Variants in POU4F1 observed in about 807,000 individuals in gnomAD.
POU4F1 encodes the protein POU domain, class 4, transcription factor 1.
POU4F1 carries 5 observed loss-of-function variants against 19.8 expected under a neutral mutation model. The observed-to-expected ratio is 0.25, with a 90% CI of 0.13 to 0.53. POU4F1 has a LOEUF of 0.53. Ranked by LOEUF, POU4F1 falls within the 20% of genes least tolerant of loss-of-function variation. The pLI is 0.96. For synonymous variants in POU4F1, 266 were observed against 247.7 expected (o/e 1.07, Z -0.69); for missense variants, 408 against 511.6 (o/e 0.80, Z 1.95).
Position 78,601,894 on chromosome 13 carries a change from A to T in POU4F1, c.781T>A (p.Ser261Thr). The T allele has an allele frequency of 6.5e-7, 1 of 1,540,742 alleles. No individual in the cohort carries two copies. The highest frequency in any genetic ancestry group is 8.7e-7 in the Non-Finnish European group (1 of 1,151,900). The change falls in exon 2 of 2, where the codon TCG becomes ACG. Residue 261 changes from serine to threonine, a missense_variant. This residue lies in a region of POU4F1 where 294 missense variants were observed against 288.2 expected (regional missense o/e 1.02). Coordinates refer to ENST00000377208, the MANE Select transcript of POU4F1 (RefSeq NM_006237.4). ...TCGAGCTCGCGCGGGTCCGTGTCCG[A>T]GTCGCAGATGGACGCCAGGCCCGCT... ...GAAGLASICD[S>T]DTDPRELEAF...
In POU4F1 at chr13:78,603,488, G is replaced by T. The variant is rs1014837887; in HGVS notation, c.-162C>A. 9.4e-6 allele frequency: 11 copies of T among 1,172,106 alleles called. No homozygotes were observed. The highest frequency in any genetic ancestry group is 1.6e-5 in the African/African-American group (1 of 61,100). The allele number at this position is 1,172,106 out of a possible 1,614,324, so 72.6% of individuals were successfully genotyped here. A position where few individuals can be genotyped will look rare whatever the true frequency, so the allele number is the denominator to read the frequency against. ...CTGCTGCTGCTCCTGCTGCTGCCAGGCGCTCCCTCTGACCGCGCAGAGCGC... is the reference window on the plus strand; with the variant it reads ...CTGCTGCTGCTCCTGCTGCTGCCAGTCGCTCCCTCTGACCGCGCAGAGCGC... On this transcript the variant is annotated 5_prime_UTR_variant, in exon 1 of 2. Transcript: ENST00000377208.
Position 78,602,220 on chromosome 13 carries a change from C to T in POU4F1, c.455G>A (p.Gly152Asp). ...GCCCGGGCCGCCGCCGCCGCCCGGG[C>T]CGCCACCGCCCCCCGGGCCGTCGTG... ...GAHDGPGGGG[G>D]PGGGGGPGGG... Residue 152 changes from glycine to aspartate, a missense_variant, in exon 2 of 2, where the codon GGC (glycine) becomes GAC (aspartate). By Grantham distance (94) the Gly-to-Asp change is moderately conservative. Around this residue, in one of 4 missense-constraint regions of POU4F1, gnomAD observed 294 missense variants for 288.2 expected, o/e 1.02. Transcript: ENST00000377208. 4.5e-6 allele frequency: 4 copies of T among 884,254 alleles called. No individual in the cohort carries two copies. The highest frequency in any genetic ancestry group is 5.4e-6 in the Non-Finnish European group (4 of 742,026). The allele number at this position is 884,254 out of a possible 1,614,324, so 54.8% of individuals were successfully genotyped here.
Position 78,602,528 on chromosome 13 carries a change from G to A in POU4F1, c.147C>T (p.Ser49=). ...CCCGCGCCAGCAGCGTCTCGTCCAG[G>A]CTGGCGAAGAGGTTGCTCTGCAGCT... The part of the protein sequence containing the change: ...TPPLQSNLFA[S]LDETLLARAE... The change falls in exon 2 of 2, where the codon AGC becomes AGT. Residue 49 remains serine, a synonymous_variant. Transcript: ENST00000377208. The A allele has an allele frequency of 1.3e-6, 2 of 1,569,430 alleles. No homozygotes were observed. Among genetic ancestry groups the A allele is most frequent in the South Asian group, 2.3e-5 (2 of 85,170 alleles).
chr13:78,603,420 C>G lies in POU4F1; in HGVS notation c.-94G>C, dbSNP rs1041296672. 7.0e-7 allele frequency: 1 copy of G among 1,422,030 alleles called. No homozygotes were observed. Among genetic ancestry groups the G allele is most frequent in the Non-Finnish European group, 9.2e-7 (1 of 1,084,976 alleles). 88.1% of individuals were successfully genotyped at this position (1,422,030 alleles called of 1,614,324 possible). ...CCCGGCCTCCCTTCGGAGGCTGCAG[C>G]CGCGGCGGTCGCGGCGGCTGGCGGC... On this transcript the variant is annotated 5_prime_UTR_variant, in exon 1 of 2. Transcript: ENST00000377208.
rs1306347628 is a variant in POU4F1 at position 78,601,750 on chromosome 13, T to C, written c.925A>G (p.Ile309Val). 5 of 1,613,698 alleles carry C rather than the reference T, an allele frequency of 3.1e-6. No individual in the cohort carries two copies. Among genetic ancestry groups the C allele is most frequent in the Admixed American group, 1.7e-5 (1 of 59,986 alleles). Residue 309 changes from isoleucine (I) to valine (V), a missense_variant, in exon 2 of 2, where the codon ATC becomes GTC. Around this residue, in one of 4 missense-constraint regions of POU4F1, gnomAD observed 40 missense variants for 100.7 expected, o/e 0.40. Coordinates refer to ENST00000377208, the MANE Select transcript of POU4F1 (RefSeq NM_006237.4). ...PGVGSLSQST[I>V]CRFESLTLSH... ...AGCGTGAGCGACTCGAACCTGCAGATGGTGCTCTGGCTGAGTGAGCCCACG... is the reference window on the plus strand; with the variant it reads ...AGCGTGAGCGACTCGAACCTGCAGACGGTGCTCTGGCTGAGTGAGCCCACG...
Position 78,601,349 on chromosome 13 carries a change from A to C in POU4F1, c.*66T>G. ...TCCAAATCCGAGGGGAGGCAAGCAG[A>C]GGAAAGCCCCCCAAAAATGCCTCCT... On this transcript the variant is annotated 3_prime_UTR_variant, in exon 2 of 2. Coordinates refer to ENST00000377208, the MANE Select transcript of POU4F1 (RefSeq NM_006237.4). 3 of 1,600,328 alleles carry C rather than the reference A, an allele frequency of 1.9e-6. No individual in the cohort carries two copies. The highest frequency in any genetic ancestry group is 2.2e-5 in the South Asian group (2 of 89,300).
Position 78,601,724 on chromosome 13 carries a change from G to A in POU4F1, c.951C>T (p.Leu317=), listed in dbSNP as rs1429192958. Residue 317 remains leucine (L), a synonymous_variant, in exon 2 of 2, where the codon CTC becomes CTT. Coordinates refer to ENST00000377208, the MANE Select transcript of POU4F1 (RefSeq NM_006237.4). Reference sequence around the variant, plus strand: ...TGAGCGCGATCATGTTGTTGTGCGAGAGCGTGAGCGACTCGAACCTGCAGA... The same window carrying A: ...TGAGCGCGATCATGTTGTTGTGCGAAAGCGTGAGCGACTCGAACCTGCAGA... ...STICRFESLT[L]SHNNMIALKP... 6.8e-6 allele frequency: 11 copies of A among 1,613,904 alleles called. No homozygotes were observed. Among genetic ancestry groups the A allele is most frequent in the Admixed American group, 6.7e-5 (4 of 60,016 alleles).
Position 78,603,362 on chromosome 13 carries a change from G to A in POU4F1, c.-36C>T. On this transcript the variant is annotated 5_prime_UTR_variant, in exon 1 of 2. Transcript: ENST00000377208. ...TGGCATGTATATCCACAAACACTCC[G>A]AAAGTCCGCGGGAAAGTGCGTACGC... 6.5e-7 allele frequency: 1 copy of A among 1,550,238 alleles called. No homozygotes were observed. The highest frequency in any genetic ancestry group is 8.7e-7 in the Non-Finnish European group (1 of 1,149,220).
chr13:78,603,502 C>A lies in POU4F1; in HGVS notation c.-176G>T, dbSNP rs1185798180. 20 of 1,047,480 alleles carry A rather than the reference C, an allele frequency of 1.9e-5. No individual in the cohort carries two copies. The South Asian group carries it at 3.1e-4, about 16-fold the overall frequency. 64.9% of individuals were successfully genotyped at this position (1,047,480 alleles called of 1,614,324 possible). On this transcript the variant is annotated 5_prime_UTR_variant, in exon 1 of 2. Transcript: ENST00000377208. ...GCTGCTGCCAGGCGCTCCCTCTGAC[C>A]GCGCAGAGCGCCGCGCGCCGGCCTC...
Position 78,601,617 on chromosome 13 carries a change from C to T in POU4F1, c.1058G>A (p.Gly353Asp). ...KMNKPELFNG[G>D]EKKRKRTSIA... is the part of the protein sequence containing the mutation. ...GGAAGTCCGCTTGCGCTTCTTCTCG[C>T]CGCCGTTGAAGAGCTCAGGCTTGTT... The change falls in exon 2 of 2, where the codon GGC becomes GAC. Residue 353 changes from glycine to aspartate, a missense_variant. Physicochemically the swap from Gly to Asp is moderately conservative, Grantham distance 94. Coordinates refer to ENST00000377208, the MANE Select transcript of POU4F1 (RefSeq NM_006237.4). 3 of 1,613,862 alleles carry T rather than the reference C, an allele frequency of 1.9e-6. No individual in the cohort carries two copies. The highest frequency in any genetic ancestry group is 2.5e-6 in the Non-Finnish European group (3 of 1,180,002).
chr13:78,603,412 G>A lies in POU4F1; in HGVS notation c.-86C>T. 6.9e-7 allele frequency: 1 copy of A among 1,446,402 alleles called. No individual in the cohort carries two copies. The highest frequency in any genetic ancestry group is 9.1e-7 in the Non-Finnish European group (1 of 1,096,920). 89.6% of individuals were successfully genotyped at this position (1,446,402 alleles called of 1,614,324 possible). A position where few individuals can be genotyped will look rare whatever the true frequency, so the allele number is the denominator to read the frequency against. ...CCGGCTCACCCGGCCTCCCTTCGGAGGCTGCAGCCGCGGCGGTCGCGGCGG... is the reference window on the plus strand; with the variant it reads ...CCGGCTCACCCGGCCTCCCTTCGGAAGCTGCAGCCGCGGCGGTCGCGGCGG... On this transcript the variant is annotated 5_prime_UTR_variant, in exon 1 of 2. Coordinates refer to ENST00000377208, the MANE Select transcript of POU4F1 (RefSeq NM_006237.4).
At position 78,601,715 on chromosome 13, in the gene POU4F1, G is replaced by A; in HGVS notation, c.960C>T (p.Asn320=). The change falls in exon 2 of 2, where the codon AAC becomes AAT. Residue 320 remains asparagine (N), a synonymous_variant. Transcript: ENST00000377208. ...GGATGGGCTTGAGCGCGATCATGTT[G>A]TTGTGCGAGAGCGTGAGCGACTCGA... is the stretch of plus-strand genomic sequence containing the variant. The part of the protein sequence containing the change: ...CRFESLTLSH[N]NMIALKPILQ... 1.2e-6 allele frequency: 2 copies of A among 1,613,960 alleles called. No individual in the cohort carries two copies. Among genetic ancestry groups the A allele is most frequent in the South Asian group, 1.1e-5 (1 of 91,068 alleles).
At chr13:78,603,159 G>A in intron 1 of POU4F1, 45 bp downstream of exon 1, 2 of 1,304,214 alleles carry the variant, frequency 1.5e-6, no homozygotes, top group Non-Finnish European at 2.0e-6. Flanking sequence ...CGGAGACGGG[G>A]AGGGGCGGGC....
In POU4F1 at chr13:78,602,105, G is replaced by A. The variant is rs2137403585; in HGVS notation, c.570C>T (p.His190=). Residue 190 remains histidine, a synonymous_variant, in exon 2 of 2, where the codon CAC becomes CAT. Coordinates refer to ENST00000377208, the MANE Select transcript of POU4F1 (RefSeq NM_006237.4). ...GGTGGCCCAGGCTGTGCATATGCGG[G>A]TGAGGGTGCGCGGAGCCGCCCAGGA... ...GGLLGGSAHP[H]PHMHSLGHLS... is the part of the protein sequence containing the mutation. 2 of 218,976 alleles carry A rather than the reference G, an allele frequency of 9.1e-6. No individual in the cohort carries two copies. The highest frequency in any genetic ancestry group is 1.5e-5 in the Non-Finnish European group (2 of 132,286). 13.6% of individuals were successfully genotyped at this position (218,976 alleles called of 1,614,324 possible). A position where few individuals can be genotyped will look rare whatever the true frequency, so the allele number is the denominator to read the frequency against.
rs1353891337 is a variant in POU4F1 at position 78,598,386 on chromosome 13, A to G, written c.*3029T>C. 1.3e-5 allele frequency: 2 copies of G among 152,184 alleles called. No homozygotes were observed. The highest frequency in any genetic ancestry group is 1.5e-5 in the Non-Finnish European group (1 of 68,022). 9.4% of individuals were successfully genotyped at this position (152,184 alleles called of 1,614,324 possible). ...GTTTTTTTACAAATGCATTTTATTT[A>G]AAACTGATGATGTTTCAAGTCAATA... On this transcript the variant is annotated 3_prime_UTR_variant, in exon 2 of 2. Coordinates refer to ENST00000377208, the MANE Select transcript of POU4F1 (RefSeq NM_006237.4).
rs1464892412 is a variant in POU4F1, at chr13:78,601,730, G to A, written c.945C>T (p.Leu315=). The A allele has an allele frequency of 6.2e-7, 1 of 1,613,872 alleles. No individual in the cohort carries two copies. The highest frequency in any genetic ancestry group is 1.1e-5 in the South Asian group (1 of 91,060). The change falls in exon 2 of 2, where the codon CTC becomes CTT. Residue 315 remains leucine (L), a synonymous_variant. Coordinates refer to ENST00000377208, the MANE Select transcript of POU4F1 (RefSeq NM_006237.4). ...CGATCATGTTGTTGTGCGAGAGCGT[G>A]AGCGACTCGAACCTGCAGATGGTGC... ...SQSTICRFES[L]TLSHNNMIAL...
In POU4F1 at chr13:78,601,274, GGAAA is replaced by G; in HGVS notation, c.*137_*140del. 7.3e-7 allele frequency: 1 copy of G among 1,375,992 alleles called. No homozygotes were observed. The allele number at this position is 1,375,992 out of a possible 1,614,324, so 85.2% of individuals were successfully genotyped here. On this transcript the variant is annotated 3_prime_UTR_variant, in exon 2 of 2. Transcript: ENST00000377208. ...GCAGGAAAATCAGAGAATGGGTGGAGGAAAGAGAGCGAGAAGGGACTCCCCAAAT... is the reference window on the plus strand; with the variant it reads ...GCAGGAAAATCAGAGAATGGGTGGAGGAGAGCGAGAAGGGACTCCCCAAAT...
chr13:78,602,185 C>A lies in POU4F1; in HGVS notation c.490G>T (p.Gly164Trp). ...GGGGGPGGGP[G>W]GGGGGGPGGG... Reference sequence around the variant, plus strand: ...CCCGGGCCGCCACCGCCGCCTCCCCCGGGGCCGCCGCCCGGGCCGCCGCCG... The same window carrying A: ...CCCGGGCCGCCACCGCCGCCTCCCCAGGGGCCGCCGCCCGGGCCGCCGCCG... The change falls in exon 2 of 2, where the codon GGG becomes TGG. Residue 164 changes from glycine to tryptophan, a missense_variant. Physicochemically the swap from Gly to Trp is radical, Grantham distance 184. This residue lies in a region of POU4F1 where 294 missense variants were observed against 288.2 expected (regional missense o/e 1.02). Transcript: ENST00000377208. 1 of 22,696 alleles carries A rather than the reference C, an allele frequency of 4.4e-5. No homozygotes were observed. Among genetic ancestry groups the A allele is most frequent in the South Asian group, 1.3e-3 (1 of 766 alleles). 1.4% of individuals were successfully genotyped at this position (22,696 alleles called of 1,614,324 possible). A position where few individuals can be genotyped will look rare whatever the true frequency, so the allele number is the denominator to read the frequency against.
chr13:78,602,378 C>A lies in POU4F1; in HGVS notation c.297G>T (p.Ala99=), dbSNP rs375560814. The A allele has an allele frequency of 4.6e-6, 7 of 1,523,942 alleles. No homozygotes were observed. In the African/African-American group the frequency reaches 7.0e-5, roughly 15 times the overall value. The allele number at this position is 1,523,942 out of a possible 1,614,324, so 94.4% of individuals were successfully genotyped here. A position where few individuals can be genotyped will look rare whatever the true frequency, so the allele number is the denominator to read the frequency against. The change falls in exon 2 of 2, where the codon GCG becomes GCT. Residue 99 remains alanine, a synonymous_variant. Transcript: ENST00000377208. ...PCTSTSTVPL[A]HHHHHHHHHQ... The stretch of plus-strand genomic sequence containing the variant: ...GGTGGTGGTGGTGGTGGTGGTGGTG[C>A]GCCAGAGGCACCGTGGAAGTGGACG...
Sources: gnomAD v4.1 joint callset for allele counts on GRCh38, gnomAD v4.1.1 for gene constraint, gnomAD v4.1.1 regional missense constraint, MANE v1.5 for transcripts, NCBI Gene and HGNC (gene_info 2026-07-23, HGNC 2026-07-21) for gene names.